The following COL6A2 variants were observed in gnomAD, a reference collection of about 807,000 sequenced individuals.
COL6A2 encodes collagen type VI alpha 2 chain, also known as collagen alpha-2(VI) chain.
Under a neutral mutation model 124.9 loss-of-function variants are expected in COL6A2, and 90 were observed. The ratio of observed to expected loss-of-function variants is 0.72; its 90% CI spans 0.61 to 0.86. The LOEUF is 0.86. Among genes scored for constraint, COL6A2 ranks in the 40% least tolerant of loss-of-function variants. The pLI, the probability that COL6A2 is intolerant of heterozygous loss-of-function variation, is 0.00. For synonymous variants in COL6A2, 793 were observed against 618.2 expected (o/e 1.28, Z -4.19); for missense variants, 1,607 against 1,502.5 (o/e 1.07, Z -1.15).
At position 46,124,543 on chromosome 21, in the gene COL6A2, C is replaced by G. The variant is rs534981677; in HGVS notation, c.1672-108C>G. 10 of 966,374 alleles carry G rather than the reference C, an allele frequency of 1.0e-5. No homozygotes were observed. The South Asian group carries it at 1.4e-4, about 13-fold the overall frequency. The allele number at this position is 966,374 out of a possible 1,614,324, so 59.9% of individuals were successfully genotyped here. On this transcript the variant is annotated intron_variant, in intron 21 of 27. Coordinates refer to ENST00000300527, the MANE Select transcript of COL6A2 (RefSeq NM_001849.4). ...TTACTCCTTGCACCTGTTAGCCCCCCCCCCCGCCAAGGGAGGACCCGTGGT... is the reference window on the plus strand; with the variant it reads ...TTACTCCTTGCACCTGTTAGCCCCCGCCCCCGCCAAGGGAGGACCCGTGGT...
chr21:46,108,323 T>G (rs2078358218), intron 1 of COL6A2, among the ~76,000 whole-genome samples: 1 of 152,184 alleles, frequency 6.6e-6, no homozygotes. Context: ...TAAGCATTCT[T>G]CTAATGCAGG....
chr21:46,131,751 G>T (rs984059380), intron 27 of COL6A2, among the ~76,000 whole-genome samples: 1 of 152,192 alleles, frequency 6.6e-6, no homozygotes, highest in African/African-American at 2.4e-5. Context: ...CAGAGGAGAT[G>T]GCGGCTCCCA....
At chr21:46,128,713 G>A (rs779585093) in intron 27 of COL6A2, among the ~76,000 whole-genome samples, 10 of 152,214 alleles carry the variant, frequency 6.6e-5, no homozygotes, top group African/African-American at 9.7e-5. Context: ...AGGCAGAGAC[G>A]TTGCAGAGGC....
intron 1 of COL6A2, among the ~76,000 whole-genome samples, chr21:46,101,846 GATTT>G (rs2078290121): frequency 1.6e-5 from 1 of 61,364 alleles, no homozygotes; most frequent in African/African-American, 6.8e-5. Flanking sequence ...TATCTTTCAC[GATTT>G]TTTTTTTTTT....
chr21:46,125,450 C>A lies in COL6A2; in HGVS notation c.1817-15C>A. On this transcript the variant is annotated splice_polypyrimidine_tract_variant and intron_variant, in intron 24 of 27. Transcript: ENST00000300527. ...GTCTCCCCGGTACCCCCCGATGACCCTGCCACCCCCCCAGACTGTGAGAAG... is the reference window on the plus strand; with the variant it reads ...GTCTCCCCGGTACCCCCCGATGACCATGCCACCCCCCCAGACTGTGAGAAG... The A allele has an allele frequency of 6.2e-7, 1 of 1,609,720 alleles. No individual in the cohort carries two copies. The highest frequency in any genetic ancestry group is 8.5e-7 in the Non-Finnish European group (1 of 1,178,558).
intron 1 of COL6A2, among the ~76,000 whole-genome samples, chr21:46,104,763 AAG>A (rs2123597667): frequency 6.6e-6 from 1 of 152,362 alleles, no homozygotes; most frequent in South Asian, 2.1e-4. Flanking sequence ...CCCAAAGACA[AAG>A]ATTTTGAAAA....
At position 46,116,105 on chromosome 21, in the gene COL6A2, C is replaced by T; in HGVS notation, c.900+52C>T. ...CTCCACCCTGAGGCCCCAGCACTGC[C>T]AGGCAGGCTCCCCCCAGCCCAGCCT... On this transcript the variant is annotated intron_variant, in intron 7 of 27. Transcript: ENST00000300527. The surrounding 1 kb of genome is among the most constrained non-coding windows in gnomAD (Gnocchi z 4.6). The T allele has an allele frequency of 6.5e-7, 1 of 1,532,048 alleles. No homozygotes were observed. The highest frequency in any genetic ancestry group is 8.8e-7 in the Non-Finnish European group (1 of 1,130,058). The allele number at this position is 1,532,048 out of a possible 1,614,324, so 94.9% of individuals were successfully genotyped here.
At chr21:46,126,639 A>C in intron 27 of COL6A2, 98 bp downstream of exon 27, 3 of 1,462,504 alleles carry the variant, frequency 2.1e-6, no homozygotes, top group Non-Finnish European at 2.8e-6. Context: ...CCGTGCAGGG[A>C]CCCGGGGGGC....
Position 46,124,157 on chromosome 21 carries a change from A to G in COL6A2, c.1672-494A>G, listed in dbSNP as rs1015455507. On this transcript the variant is annotated intron_variant, in intron 21 of 27. Coordinates refer to ENST00000300527, the MANE Select transcript of COL6A2 (RefSeq NM_001849.4). ...TAGATGGGTAAGTGAGTGGATAGAT[A>G]GATGGGTGGGTGGACAGAGGATGGG... Among the ~76,000 whole-genome samples, 6 of 143,750 alleles carry G rather than the reference A, an allele frequency of 4.2e-5. No individual in the cohort carries two copies. In the East Asian group the frequency reaches 8.6e-4, roughly 21 times the overall value. 94.3% of individuals were successfully genotyped at this position (143,750 alleles called of 152,430 possible).
rs1568930715 is a variant in COL6A2, at chr21:46,117,834, C to CCCG, written c.1054-36_1054-34dup. 1.9e-6 allele frequency: 3 copies of CCCG among 1,586,734 alleles called. No homozygotes were observed. The Admixed American group carries it at 5.4e-5, about 28-fold the overall frequency. On this transcript the variant is annotated intron_variant, in intron 11 of 27. Coordinates refer to ENST00000300527, the MANE Select transcript of COL6A2 (RefSeq NM_001849.4). Reference sequence around the variant, plus strand: ...GCCCTGGCTCATGGGGAGAACCCCACCCGCCGTGTGCCGAGCTCCACCTCT... The same window carrying CCCG: ...GCCCTGGCTCATGGGGAGAACCCCACCCGCCGCCGTGTGCCGAGCTCCACCTCT...
At chr21:46,124,324 G>C (rs1568937944) in intron 21 of COL6A2, among the ~76,000 whole-genome samples, 2 of 152,250 alleles carry the variant, frequency 1.3e-5, no homozygotes, top group East Asian at 3.9e-4. Flanking sequence ...TGGATGGGTG[G>C]GCGTGGAGTT....
chr21:46,124,341 T>A (rs2078625953), intron 21 of COL6A2, among the ~76,000 whole-genome samples: 1 of 152,016 alleles, frequency 6.6e-6, no homozygotes, highest in Admixed American at 6.6e-5. Context: ...AGTTGGTGGG[T>A]ACATGATAAT....
In COL6A2 at chr21:46,125,783, A is replaced by G. The variant is rs1434728976; in HGVS notation, c.1970-2A>G. On this transcript the variant is annotated splice_acceptor_variant, in intron 25 of 27. Coordinates refer to ENST00000300527, the MANE Select transcript of COL6A2 (RefSeq NM_001849.4). LOFTEE classifies it high-confidence loss of function. Reference sequence around the variant, plus strand: ...CAACGACCTCACGCGTGCGGCTTGCAGGGACGCGTGTGGGCGTGGTGCAGT... The same window carrying G: ...CAACGACCTCACGCGTGCGGCTTGCGGGGACGCGTGTGGGCGTGGTGCAGT... 1.9e-6 allele frequency: 3 copies of G among 1,611,110 alleles called. No homozygotes were observed. In the South Asian group the frequency reaches 3.3e-5, roughly 18 times the overall value.
Position 46,118,601 on chromosome 21 carries a change from C to T in COL6A2, c.1117-13C>T. The T allele has an allele frequency of 6.2e-7, 1 of 1,612,356 alleles. No homozygotes were observed. Among genetic ancestry groups the T allele is most frequent in the African/African-American group, 1.3e-5 (1 of 75,076 alleles). ...GCCAAAAGACGTGAGGCTGATTCTG[C>T]AAACCCTTCCAGGGGGACCCTGGCC... On this transcript the variant is annotated splice_polypyrimidine_tract_variant and intron_variant, in intron 12 of 27. Coordinates refer to ENST00000300527, the MANE Select transcript of COL6A2 (RefSeq NM_001849.4).
At chr21:46,115,825 A>G (rs1386786719) in intron 5 of COL6A2, 47 bp from the exon 6 acceptor site, 2 of 1,587,308 alleles carry the variant, frequency 1.3e-6, no homozygotes, top group Admixed American at 1.7e-5. Context: ...CCAGCTGCCT[A>G]CCGCCCACCC....
In COL6A2 at chr21:46,132,686, C is replaced by A; in HGVS notation, c.*134C>A. ...CTGGGCCTGCACCTCTCCAGCTCCTCCCACGGGGTCCCCGTAGCCCCGGCC... is the reference window on the plus strand; with the variant it reads ...CTGGGCCTGCACCTCTCCAGCTCCTACCACGGGGTCCCCGTAGCCCCGGCC... On this transcript the variant is annotated 3_prime_UTR_variant, in exon 28 of 28. Coordinates refer to ENST00000300527, the MANE Select transcript of COL6A2 (RefSeq NM_001849.4). The A allele has an allele frequency of 1.1e-6, 1 of 928,322 alleles. No homozygotes were observed. The allele number at this position is 928,322 out of a possible 1,614,324, so 57.5% of individuals were successfully genotyped here. A position where few individuals can be genotyped will look rare whatever the true frequency, so the allele number is the denominator to read the frequency against.
Position 46,116,656 on chromosome 21 carries a change from A to T in COL6A2, c.933A>T (p.Glu311Asp), listed in dbSNP as rs370624136. Residue 311 changes from glutamate to aspartate, a missense_variant, in exon 9 of 28, where the codon GAA (glutamate) becomes GAT (aspartate). Around this residue, in one of 3 missense-constraint regions of COL6A2, gnomAD observed 42 missense variants for 68.7 expected, o/e 0.61. Coordinates refer to ENST00000300527, the MANE Select transcript of COL6A2 (RefSeq NM_001849.4). This position sits in a 1 kb window ranked among gnomAD's most constrained non-coding sequence, Gnocchi z 4.6. Reference protein sequence around the residue: ...GVPGFKGEKGEFGADGRKGAP... With the variant: ...GVPGFKGEKGDFGADGRKGAP... Reference sequence around the variant, plus strand: ...CCGGCTTTCCTCCTACACAGGGTGAATTTGGAGCCGACGGTCGCAAGGTAG... The same window carrying T: ...CCGGCTTTCCTCCTACACAGGGTGATTTTGGAGCCGACGGTCGCAAGGTAG... 4.5e-5 allele frequency: 72 copies of T among 1,612,994 alleles called. 1 individual carries two copies. The African/African-American group carries it at 4.9e-4, about 11-fold the overall frequency.
At chr21:46,127,875 G>T (rs1289408845) in intron 27 of COL6A2, among the ~76,000 whole-genome samples, 1 of 152,188 alleles carries the variant, frequency 6.6e-6, no homozygotes, top group African/African-American at 2.4e-5. Context: ...TTGGGAGTTA[G>T]TTAGCCCGTT....
At chr21:46,114,110 C>A (rs1476549280) in intron 5 of COL6A2, 37 bp downstream of exon 5, 2 of 1,550,836 alleles carry the variant, frequency 1.3e-6, no homozygotes, top group Non-Finnish European at 8.9e-7. Flanking sequence ...TCTGCGCTAC[C>A]AGGAAGCCCC....
Sources: gnomAD v4.1 joint callset for allele counts (sites outside exome capture counted in the v4.1 genomes callset) on GRCh38, gnomAD v4.1.1 for gene constraint, gnomAD v4.1.1 regional missense constraint, Gnocchi (gnomAD v3.1) non-coding constraint, MANE v1.5 for transcripts, NCBI Gene and HGNC (gene_info 2026-07-23, HGNC 2026-07-21) for gene names.